The following TRAPPC11 variants were observed in gnomAD, a reference collection of about 807,000 sequenced individuals.
TRAPPC11 encodes the protein trafficking protein particle complex subunit 11.
TRAPPC11 carries 104 observed loss-of-function variants against 151.2 expected under a neutral mutation model. The observed-to-expected ratio is 0.69, with a 90% confidence interval of 0.59 to 0.81. The LOEUF (loss-of-function observed/expected upper bound fraction) is 0.81, where lower values mean the gene tolerates loss of function less well. Among genes scored for constraint, TRAPPC11 ranks in the 30% least tolerant of loss-of-function variants. The pLI, the probability that TRAPPC11 is intolerant of heterozygous loss-of-function variation, is 0.00. For synonymous variants in TRAPPC11, 456 were observed against 472.3 expected (o/e 0.97, Z 0.45); for missense variants, 1,230 against 1,349.6 (o/e 0.91, Z 1.39).
At chr4:183,683,415 C>A (rs1735797251) in intron 11 of TRAPPC11, among the ~76,000 whole-genome samples, 1 of 152,120 alleles carries the variant, frequency 6.6e-6, no homozygotes, top group Non-Finnish European at 1.5e-5. Flanking sequence ...AATCCCAGCG[C>A]TTTGGGAGGC....
chr4:183,710,192 A>G (rs13146504), intron 29 of TRAPPC11, among the ~76,000 whole-genome samples: 45,806 of 152,064 alleles, frequency 0.3, 7,120 homozygotes, highest in Middle Eastern at 0.44. Flanking sequence ...ACCCAAACCT[A>G]ATCCCAGCTA....
chr4:183,676,273 C>G (rs1377739533), intron 7 of TRAPPC11, among the ~76,000 whole-genome samples: 2 of 152,044 alleles, frequency 1.3e-5, no homozygotes, highest in African/African-American at 4.8e-5. Context: ...TCTCAGCCTC[C>G]CGAGTAGCTG....
At position 183,694,757 on chromosome 4, in the gene TRAPPC11, A is replaced by G. The variant is rs777940995; in HGVS notation, c.2628+34A>G. 12 of 1,587,584 alleles carry G rather than the reference A, an allele frequency of 7.6e-6. No homozygotes were observed. In the East Asian group the frequency reaches 2.7e-4, roughly 36 times the overall value. ...TTATAGCTACTTTATAAAGCATCAT[A>G]TGTGGAGTATTCCCATTTTGTGTTA... is the stretch of plus-strand genomic sequence containing the variant. On this transcript the variant is annotated intron_variant, in intron 23 of 29. Coordinates refer to ENST00000334690, the MANE Select transcript of TRAPPC11 (RefSeq NM_021942.6).
At chr4:183,694,436 C>G (rs1458145896) in intron 22 of TRAPPC11, among the ~76,000 whole-genome samples, 168 bp from the exon 23 acceptor site, 1 of 152,146 alleles carries the variant, frequency 6.6e-6, no homozygotes, top group East Asian at 1.9e-4. Flanking sequence ...GAGTACTCTA[C>G]TACAGTGGGA....
At chr4:183,689,208 T>A (rs1166930100) in intron 18 of TRAPPC11, among the ~76,000 whole-genome samples, 1 of 152,156 alleles carries the variant, frequency 6.6e-6, no homozygotes, top group Non-Finnish European at 1.5e-5. Context: ...GTGTTGGGAA[T>A]GGAGATTCAG....
rs1376379503 is a variant in TRAPPC11, at chr4:183,675,087, TCTC to T, written c.661-73_661-71del. 5.3e-6 allele frequency: 4 copies of T among 751,878 alleles called. No individual in the cohort carries two copies. The African/African-American group carries it at 5.6e-5, about 10-fold the overall frequency. The allele number at this position is 751,878 out of a possible 1,614,324, so 46.6% of individuals were successfully genotyped here. Reference sequence around the variant, plus strand: ...GAATATTTTTCTTCATTCTTTTATGTCTCCTCATAATAAACATTATAATTTTCA... The same window carrying T: ...GAATATTTTTCTTCATTCTTTTATGTCTCATAATAAACATTATAATTTTCA... On this transcript the variant is annotated intron_variant, in intron 6 of 29. Coordinates refer to ENST00000334690, the MANE Select transcript of TRAPPC11 (RefSeq NM_021942.6).
intron 1 of TRAPPC11, among the ~76,000 whole-genome samples, chr4:183,663,326 C>G (rs186708969): frequency 0.011 from 1,742 of 152,208 alleles, 28 homozygotes; most frequent in African/African-American, 0.04. Context: ...CTCCACCTCC[C>G]GGGTTCACGC....
At position 183,684,241 on chromosome 4, in the gene TRAPPC11, T is replaced by TCA. The variant is rs1232678772; in HGVS notation, c.1366+20_1366+21dup. 3 of 1,613,390 alleles carry TCA rather than the reference T, an allele frequency of 1.9e-6. No individual in the cohort carries two copies. The Admixed American group carries it at 5.0e-5, about 27-fold the overall frequency. On this transcript the variant is annotated intron_variant, in intron 13 of 29. Transcript: ENST00000334690. ...TCACCTAAGTATGTATCCACAAACGTCACCATTGCATGCAACTTTGAATGA... is the reference window on the plus strand; with the variant it reads ...TCACCTAAGTATGTATCCACAAACGTCACACCATTGCATGCAACTTTGAATGA...
intron 18 of TRAPPC11, 122 bp downstream of exon 18, chr4:183,686,870 G>A (rs1275584107): frequency 1.6e-6 from 2 of 1,216,760 alleles, no homozygotes; most frequent in Non-Finnish European, 1.2e-6. Flanking sequence ...ATGAACTTTG[G>A]TAAGGTCTAT....
chr4:183,678,189 G>A (rs1456728834), intron 8 of TRAPPC11, among the ~76,000 whole-genome samples: 1 of 151,976 alleles, frequency 6.6e-6, no homozygotes, highest in Non-Finnish European at 1.5e-5. Flanking sequence ...CACCTGTCTC[G>A]GCCTCCCAAA....
Position 183,680,038 on chromosome 4 carries a change from T to TA in TRAPPC11, c.966-80dup. 4.8e-6 allele frequency: 6 copies of TA among 1,242,198 alleles called. No individual in the cohort carries two copies. The South Asian group carries it at 8.4e-5, about 17-fold the overall frequency. 76.9% of individuals were successfully genotyped at this position (1,242,198 alleles called of 1,614,324 possible). A position where few individuals can be genotyped will look rare whatever the true frequency, so the allele number is the denominator to read the frequency against. ...CCATTTTAACACAGTCTGCTGAGGT[T>TA]AAGTTTCCCAGGATGAATTACCAGA... On this transcript the variant is annotated intron_variant, in intron 9 of 29. Coordinates refer to ENST00000334690, the MANE Select transcript of TRAPPC11 (RefSeq NM_021942.6).
chr4:183,707,252 T>TTGTG (rs1275308451), intron 28 of TRAPPC11, among the ~76,000 whole-genome samples: 85 of 98,824 alleles, frequency 8.6e-4, no homozygotes, highest in Non-Finnish European at 1.6e-3. Flanking sequence ...GTGTGTGTGT[T>TTGTG]TATGTGTGTG....
intron 26 of TRAPPC11, 75 bp from the exon 27 acceptor site, chr4:183,704,904 G>GT: frequency 4.3e-6 from 4 of 932,298 alleles, no homozygotes; most frequent in Non-Finnish European, 6.6e-6. Context: ...CATGTTTCCT[G>GT]TTTTTGATGA....
At chr4:183,664,114 CTATGTG>C in intron 2 of TRAPPC11, 43 bp downstream of exon 2, 3 of 1,489,598 alleles carry the variant, frequency 2.0e-6, no homozygotes, top group Non-Finnish European at 2.8e-6. Flanking sequence ...TTCTCTCTCT[CTATGTG>C]TGTGTGTGTG....
chr4:183,700,223 A>G (rs1736738089), intron 25 of TRAPPC11, among the ~76,000 whole-genome samples: 1 of 152,220 alleles, frequency 6.6e-6, no homozygotes, highest in African/African-American at 2.4e-5. Flanking sequence ...GACGATCTCT[A>G]GAGGCTCAAA....
Position 183,704,915 on chromosome 4 carries a change from ACTT to A in TRAPPC11, c.2964-60_2964-58del, listed in dbSNP as rs1298042383. 4 of 1,071,116 alleles carry A rather than the reference ACTT, an allele frequency of 3.7e-6. No individual in the cohort carries two copies. The African/African-American group carries it at 4.6e-5, about 12-fold the overall frequency. The allele number at this position is 1,071,116 out of a possible 1,614,324, so 66.4% of individuals were successfully genotyped here. On this transcript the variant is annotated intron_variant, in intron 26 of 29. Transcript: ENST00000334690. ...AATACATGTTTCCTGTTTTTGATGA[ACTT>A]CTTTCATAGTTTAAAAAGATGTTTA...
chr4:183,673,144 A>C (rs181222623), intron 5 of TRAPPC11, among the ~76,000 whole-genome samples: 1,743 of 151,720 alleles, frequency 0.011, 25 homozygotes, highest in African/African-American at 0.041. Context: ...TTGTATTTTT[A>C]TTAGAGACAG....
In TRAPPC11 at chr4:183,693,736, A is replaced by G. The variant is rs769797951; in HGVS notation, c.2385A>G (p.Pro795=). ...TGAAGCTCACCGCTGGCTTAAAACC[A>G]GGTAAGCATTCCTTTTTGTAAGTTT... The part of the protein sequence containing the change: ...RDVKLTAGLK[P]GQDANLTQKT... The change falls in exon 21 of 30, where the codon CCA becomes CCG. Residue 795 remains proline (P), a splice_region_variant and synonymous_variant. Transcript: ENST00000334690. The G allele has an allele frequency of 2.5e-6, 4 of 1,612,810 alleles. No homozygotes were observed. Among genetic ancestry groups the G allele is most frequent in the African/African-American group, 2.7e-5 (2 of 74,864 alleles).
At chr4:183,669,883 T>C (rs1735066974) in intron 5 of TRAPPC11, among the ~76,000 whole-genome samples, 1 of 152,238 alleles carries the variant, frequency 6.6e-6, no homozygotes. Context: ...CCTCTGCCCT[T>C]AACCACTTGT....
Sources: gnomAD v4.1 joint callset for allele counts (sites outside exome capture counted in the v4.1 genomes callset) on GRCh38, gnomAD v4.1.1 for gene constraint, MANE v1.5 for transcripts, NCBI Gene and HGNC (gene_info 2026-07-23, HGNC 2026-07-21) for gene names.